Variants in DR1 observed in about 807,000 individuals in gnomAD.
DR1 encodes down-regulator of transcription 1.
DR1 carries 7 observed loss-of-function variants against 19.9 expected under a neutral mutation model. The ratio of observed to expected loss-of-function variants is 0.35; its 90% CI spans 0.20 to 0.66. The LOEUF is 0.66. Among genes scored for constraint, DR1 ranks in the 30% least tolerant of loss-of-function variants. The pLI, the probability that DR1 is intolerant of heterozygous loss-of-function variation, is 0.66. For synonymous variants in DR1, 76 were observed against 72.5 expected, an observed-to-expected ratio of 1.05 and a Z score of -0.24; for missense variants, 98 against 203.7, an observed-to-expected ratio of 0.48 and a Z score of 3.16.
In DR1 at chr1:93,352,395, C is replaced by T. The variant is rs375309402; in HGVS notation, c.221-1513C>T. Among the ~76,000 whole-genome samples the T allele has an allele frequency of 4.6e-5, 7 of 152,254 alleles. No homozygotes were observed. In the East Asian group the frequency reaches 9.6e-4, roughly 21 times the overall value. On this transcript the variant is annotated intron_variant, in intron 1 of 2. Transcript: ENST00000370272. The stretch of plus-strand genomic sequence containing the variant: ...ATGTTGGTGAATTTGATATACAGAA[C>T]TTAGAATAATGCCTTTCTGAAGTTT...
In DR1 at chr1:93,364,486, T is replaced by C. The variant is rs1434163327; in HGVS notation, c.*3847T>C. 1 of 152,190 alleles carries C rather than the reference T, an allele frequency of 6.6e-6. No homozygotes were observed. The highest frequency in any genetic ancestry group is 1.9e-4 in the East Asian group (1 of 5,202). The allele number at this position is 152,190 out of a possible 1,614,324, so 9.4% of individuals were successfully genotyped here. On this transcript the variant is annotated 3_prime_UTR_variant, in exon 3 of 3. Coordinates refer to ENST00000370272, the MANE Select transcript of DR1 (RefSeq NM_001938.3). ...CAACTCATCTATATCCAAATGGCCA[T>C]TAGGAAGAATTATCCAATTCAGATG...
intron 1 of DR1, among the ~76,000 whole-genome samples, chr1:93,351,137 A>G (rs925518772): frequency 1.3e-5 from 2 of 152,190 alleles, no homozygotes; most frequent in African/African-American, 2.4e-5. Context: ...ATAATGTAAA[A>G]TATCTCTCTA....
At chr1:93,351,822 A>G (rs929027887) in intron 1 of DR1, among the ~76,000 whole-genome samples, 17 of 152,100 alleles carry the variant, frequency 1.1e-4, no homozygotes, top group Admixed American at 9.2e-4. Flanking sequence ...AATTTTATAA[A>G]TTTGATATTT....
At chr1:93,357,011 C>G (rs966072430) in intron 2 of DR1, among the ~76,000 whole-genome samples, 1 of 152,142 alleles carries the variant, frequency 6.6e-6, no homozygotes, top group African/African-American at 2.4e-5. Flanking sequence ...CATGAGCCAC[C>G]GCGCCCGGCC....
chr1:93,357,324 C>G lies in DR1; in HGVS notation c.385-3169C>G, dbSNP rs540745423. 2.6e-5 allele frequency among the ~76,000 whole-genome samples: 4 copies of G among 152,102 alleles called. No homozygotes were observed. The South Asian group carries it at 8.3e-4, about 32-fold the overall frequency. On this transcript the variant is annotated intron_variant, in intron 2 of 2. Transcript: ENST00000370272. ...TCTGCATTTCCTTGTATCCCCCAAA[C>G]CCTTTCATCTTTTGCTATAATGATC... is the stretch of plus-strand genomic sequence containing the variant.
Position 93,346,784 on chromosome 1 carries a change from A to C in DR1, c.139A>C (p.Ile47Leu). The C allele has an allele frequency of 6.2e-7, 1 of 1,614,138 alleles. No individual in the cohort carries two copies. Among genetic ancestry groups the C allele is most frequent in the East Asian group, 2.2e-5 (1 of 44,872 alleles). ...GGTGGTGAACTGCTGCACTGAATTCATTCACCTTATATCTTCTGAAGCCAA... is the reference window on the plus strand; with the variant it reads ...GGTGGTGAACTGCTGCACTGAATTCCTTCACCTTATATCTTCTGAAGCCAA... Reference protein sequence around the residue: ...ELVVNCCTEFIHLISSEANEI... With the variant: ...ELVVNCCTEFLHLISSEANEI... The change falls in exon 1 of 3, where the codon ATT (isoleucine) becomes CTT (leucine). Residue 47 changes from isoleucine to leucine, a missense_variant. Physicochemically the swap from Ile to Leu is conservative, Grantham distance 5 (BLOSUM62 2). Coordinates refer to ENST00000370272, the MANE Select transcript of DR1 (RefSeq NM_001938.3).
In DR1 at chr1:93,362,533, A is replaced by G. The variant is rs1305432102; in HGVS notation, c.*1894A>G. Reference sequence around the variant, plus strand: ...AAGCCTAGTGACTTTTCATTTTGACATTCTTGTGATTTCATATGCTGTATT... The same window carrying G: ...AAGCCTAGTGACTTTTCATTTTGACGTTCTTGTGATTTCATATGCTGTATT... On this transcript the variant is annotated 3_prime_UTR_variant, in exon 3 of 3. Coordinates refer to ENST00000370272, the MANE Select transcript of DR1 (RefSeq NM_001938.3). The G allele has an allele frequency of 1.2e-4, 18 of 150,172 alleles. No homozygotes were observed. Among genetic ancestry groups the G allele is most frequent in the Non-Finnish European group, 1.5e-5 (1 of 67,508 alleles). 9.3% of individuals were successfully genotyped at this position (150,172 alleles called of 1,614,324 possible). A position where few individuals can be genotyped will look rare whatever the true frequency, so the allele number is the denominator to read the frequency against.
At position 93,360,658 on chromosome 1, in the gene DR1, C is replaced by A; in HGVS notation, c.*19C>A. 1 of 1,576,788 alleles carries A rather than the reference C, an allele frequency of 6.3e-7. No individual in the cohort carries two copies. The highest frequency in any genetic ancestry group is 2.0e-5 in the Admixed American group (1 of 49,874). On this transcript the variant is annotated 3_prime_UTR_variant, in exon 3 of 3. Transcript: ENST00000370272. ...TATCTGAAATTCACCAGCTGAGTTT[C>A]TATTTCTTCTATAAATGTTTTTCCC...
chr1:93,351,086 C>A (rs1666908048), intron 1 of DR1, among the ~76,000 whole-genome samples: 1 of 152,070 alleles, frequency 6.6e-6, no homozygotes, highest in Non-Finnish European at 1.5e-5. Context: ...TTAATATTCT[C>A]TTTGTGTAAA....
intron 1 of DR1, among the ~76,000 whole-genome samples, chr1:93,352,891 A>AT (rs66850500): frequency 0.031 from 4,299 of 139,438 alleles, 74 homozygotes; most frequent in Middle Eastern, 0.054. Context: ...GGGTGTGTGA[A>AT]TTTTTTTTTT....
rs1457122889 is a variant in DR1, at chr1:93,366,356, G to A, written c.*5717G>A. 1.3e-5 allele frequency: 2 copies of A among 152,142 alleles called. No individual in the cohort carries two copies. Among genetic ancestry groups the A allele is most frequent in the East Asian group, 3.8e-4 (2 of 5,196 alleles). 9.4% of individuals were successfully genotyped at this position (152,142 alleles called of 1,614,324 possible). A position where few individuals can be genotyped will look rare whatever the true frequency, so the allele number is the denominator to read the frequency against. On this transcript the variant is annotated 3_prime_UTR_variant, in exon 3 of 3. Transcript: ENST00000370272. ...TATTGTGAATAATGCTTCTGTGAAC[G>A]TGGGTATACAAATAACTGTTTGAGT...
chr1:93,360,638 G>A lies in DR1; in HGVS notation c.530G>A (p.Ter177=). Residue 177 remains the stop codon, a stop_retained_variant, in exon 3 of 3, where the codon TGA becomes TAA. Transcript: ENST00000370272. ...GATGAAGAAGATGATGATGATATCT[G>A]AAATTCACCAGCTGAGTTTCTATTT... ...SQDEEDDDDI[*] 1 of 1,581,772 alleles carries A rather than the reference G, an allele frequency of 6.3e-7. No individual in the cohort carries two copies. Among genetic ancestry groups the A allele is most frequent in the Non-Finnish European group, 8.6e-7 (1 of 1,169,226 alleles).
intron 1 of DR1, among the ~76,000 whole-genome samples, chr1:93,351,680 C>T (rs985496693): frequency 3.6e-4 from 55 of 152,240 alleles, no homozygotes; most frequent in African/African-American, 1.2e-3. Flanking sequence ...AAGTAATCCC[C>T]GTGCCTTGGC....
rs1481190203 is a variant in DR1, at chr1:93,368,073, G to A, written c.*7434G>A. The A allele has an allele frequency of 1.3e-5, 2 of 152,160 alleles. No homozygotes were observed. Among genetic ancestry groups the A allele is most frequent in the East Asian group, 3.9e-4 (2 of 5,192 alleles). The allele number at this position is 152,160 out of a possible 1,614,324, so 9.4% of individuals were successfully genotyped here. ...ACCTGCTGTATGTGATATGAACAATGAGGATCAACTCTTTTTGTAATAGTT... is the reference window on the plus strand; with the variant it reads ...ACCTGCTGTATGTGATATGAACAATAAGGATCAACTCTTTTTGTAATAGTT... On this transcript the variant is annotated 3_prime_UTR_variant, in exon 3 of 3. Coordinates refer to ENST00000370272, the MANE Select transcript of DR1 (RefSeq NM_001938.3).
intron 1 of DR1, among the ~76,000 whole-genome samples, 197 bp from the exon 2 acceptor site, chr1:93,353,711 A>C (rs1666944884): frequency 6.6e-6 from 1 of 152,210 alleles, no homozygotes; most frequent in Non-Finnish European, 1.5e-5. Context: ...TTGCCACCTA[A>C]TATTTAGCAG....
chr1:93,347,080 A>G (rs567865850), intron 1 of DR1, among the ~76,000 whole-genome samples: 11 of 152,316 alleles, frequency 7.2e-5, no homozygotes, highest in East Asian at 3.9e-4. Context: ...AAGGAGTGCA[A>G]ACATTTAGGT....
At position 93,364,337 on chromosome 1, in the gene DR1, T is replaced by C. The variant is rs1021675398; in HGVS notation, c.*3698T>C. 3 of 152,224 alleles carry C rather than the reference T, an allele frequency of 2.0e-5. No homozygotes were observed. Among genetic ancestry groups the C allele is most frequent in the Admixed American group, 6.5e-5 (1 of 15,288 alleles). The allele number at this position is 152,224 out of a possible 1,614,324, so 9.4% of individuals were successfully genotyped here. On this transcript the variant is annotated 3_prime_UTR_variant, in exon 3 of 3. Coordinates refer to ENST00000370272, the MANE Select transcript of DR1 (RefSeq NM_001938.3). ...AAATTTTAAGTAATCGTAAGTAGTATGTTGAATTAGTATGTTGTGGGAAAA... is the reference window on the plus strand; with the variant it reads ...AAATTTTAAGTAATCGTAAGTAGTACGTTGAATTAGTATGTTGTGGGAAAA...
rs1288893476 is a variant in DR1 at position 93,369,458 on chromosome 1, A to C, written c.*8819A>C. 1 of 152,206 alleles carries C rather than the reference A, an allele frequency of 6.6e-6. No individual in the cohort carries two copies. Among genetic ancestry groups the C allele is most frequent in the East Asian group, 1.9e-4 (1 of 5,202 alleles). 9.4% of individuals were successfully genotyped at this position (152,206 alleles called of 1,614,324 possible). ...AATGATTCACTCAGTGTTATGCAGA[A>C]TATGAGAAGTTATTTTATAAAGTTG... On this transcript the variant is annotated 3_prime_UTR_variant, in exon 3 of 3. Transcript: ENST00000370272.
chr1:93,348,173 G>A (rs1002814172), intron 1 of DR1, among the ~76,000 whole-genome samples: 6 of 150,874 alleles, frequency 4.0e-5, no homozygotes, highest in African/African-American at 1.5e-4. Flanking sequence ...AAATCCCTAG[G>A]AAAAAGCATA....
Sources: gnomAD v4.1 joint callset for allele counts (sites outside exome capture counted in the v4.1 genomes callset) on GRCh38, gnomAD v4.1.1 for gene constraint, MANE v1.5 for transcripts, NCBI Gene and HGNC (gene_info 2026-07-23, HGNC 2026-07-21) for gene names.